The following CEP128 variants were observed in gnomAD, a reference collection of about 807,000 sequenced individuals.
CEP128 encodes the protein centrosomal protein 128kDa.
CEP128 carries 132 observed loss-of-function variants against 156.7 expected under a neutral mutation model. That is an observed-to-expected ratio of 0.84 (90% CI 0.73 to 0.97). The LOEUF (loss-of-function observed/expected upper bound fraction) is 0.97, where lower values mean the gene tolerates loss of function less well. Ranked by LOEUF, CEP128 falls within the 50% of genes least tolerant of loss-of-function variation. The probability of loss-of-function intolerance (pLI) is 0.00; values close to 1 mark genes in which losing one functional copy is unlikely to be tolerated. For synonymous variants in CEP128, 469 were observed against 448.9 expected, an observed-to-expected ratio of 1.04 and a Z score of -0.57; for missense variants, 1,252 against 1,281.9, an observed-to-expected ratio of 0.98 and a Z score of 0.36.
intron 20 of CEP128, among the ~76,000 whole-genome samples, chr14:80,560,376 G>A (rs1390993487): frequency 6.6e-6 from 1 of 152,162 alleles, no homozygotes; most frequent in Admixed American, 6.5e-5. Flanking sequence ...AGTGAACTGA[G>A]ATCAAGCCAC....
At chr14:80,915,336 A>T (rs1207146433) in intron 3 of CEP128, among the ~76,000 whole-genome samples, 1 of 152,170 alleles carries the variant, frequency 6.6e-6, no homozygotes, top group Non-Finnish European at 1.5e-5. Flanking sequence ...ATGTTACTTT[A>T]AATGAGTTTA....
In CEP128 at chr14:80,792,999, C is replaced by G. The variant is rs1901797636; in HGVS notation, c.1321G>C (p.Asp441His). 6.2e-7 allele frequency: 1 copy of G among 1,614,102 alleles called. No homozygotes were observed. Among genetic ancestry groups the G allele is most frequent in the Admixed American group, 1.7e-5 (1 of 59,986 alleles). Residue 441 changes from aspartate to histidine, a missense_variant, in exon 14 of 25, where the codon GAC becomes CAC. Coordinates refer to ENST00000555265, the MANE Select transcript of CEP128 (RefSeq NM_152446.5). ...DTCEAERKHADLQISELTRHA... is the reference protein window; with the variant it reads ...DTCEAERKHAHLQISELTRHA... ...CGAGTCAGCTCTGAGATCTGAAGGTCAGCATGCTTACGCTCGGCCTCACAT... is the reference window on the plus strand; with the variant it reads ...CGAGTCAGCTCTGAGATCTGAAGGTGAGCATGCTTACGCTCGGCCTCACAT...
chr14:80,886,741 C>G (rs553709851), intron 8 of CEP128, among the ~76,000 whole-genome samples: 12 of 152,310 alleles, frequency 7.9e-5, no homozygotes, highest in African/African-American at 2.9e-4. Flanking sequence ...AAATAACCAG[C>G]TAGCATCATA....
chr14:80,923,702 T>C (rs1311614566), intron 2 of CEP128, among the ~76,000 whole-genome samples: 3 of 152,086 alleles, frequency 2.0e-5, no homozygotes, highest in East Asian at 1.9e-4. Flanking sequence ...TAAGGGAAAA[T>C]TGGGAGTGTA....
At position 80,838,222 on chromosome 14, in the gene CEP128, T is replaced by C; in HGVS notation, c.906A>G (p.Arg302=). The C allele has an allele frequency of 1.2e-6, 2 of 1,613,064 alleles. No homozygotes were observed. The highest frequency in any genetic ancestry group is 1.7e-6 in the Non-Finnish European group (2 of 1,179,160). The change falls in exon 11 of 25, where the codon CGA becomes CGG. Residue 302 remains arginine (R), a synonymous_variant. Transcript: ENST00000555265. Reference sequence around the variant, plus strand: ...GACTTACCTGATGCAAAAGTGTTTCTCGGCTGCCTTCTGATTGATTCAATA... The same window carrying C: ...GACTTACCTGATGCAAAAGTGTTTCCCGGCTGCCTTCTGATTGATTCAATA... The part of the protein sequence containing the change: ...RRLLNQSEGS[R]ETLLHQVEEL...
chr14:80,569,515 C>T (rs1198324205), intron 20 of CEP128, among the ~76,000 whole-genome samples: 1 of 152,154 alleles, frequency 6.6e-6, no homozygotes, highest in Non-Finnish European at 1.5e-5. Flanking sequence ...TAATGGAATG[C>T]TGATACAGTG....
intron 23 of CEP128, among the ~76,000 whole-genome samples, chr14:80,507,231 T>C (rs1236223815): frequency 6.6e-6 from 1 of 152,078 alleles, no homozygotes; most frequent in Non-Finnish European, 1.5e-5. Flanking sequence ...ATCAGACTAA[T>C]ACAGGAGGTT....
intron 19 of CEP128, among the ~76,000 whole-genome samples, chr14:80,680,332 G>A (rs1249454572): frequency 1.3e-5 from 2 of 152,106 alleles, no homozygotes; most frequent in Non-Finnish European, 1.5e-5. Flanking sequence ...GAAGCAGAAA[G>A]CCAGGTATTT....
At chr14:80,880,114 CA>C (rs1193459443) in intron 8 of CEP128, among the ~76,000 whole-genome samples, 2 of 151,952 alleles carry the variant, frequency 1.3e-5, no homozygotes, top group South Asian at 2.1e-4. Context: ...AACAACACAT[CA>C]AAAAAATTAT....
intron 15 of CEP128, among the ~76,000 whole-genome samples, chr14:80,780,069 T>A (rs1396486560): frequency 6.6e-6 from 1 of 152,186 alleles, no homozygotes; most frequent in Non-Finnish European, 1.5e-5. Flanking sequence ...AGATACAGCA[T>A]GTCATTAAAA....
intron 9 of CEP128, among the ~76,000 whole-genome samples, chr14:80,851,041 C>G (rs191750695): frequency 6.6e-6 from 1 of 152,210 alleles, no homozygotes; most frequent in East Asian, 1.9e-4. Flanking sequence ...GGAATGAGAG[C>G]AGTAGAGTAA....
intron 19 of CEP128, among the ~76,000 whole-genome samples, chr14:80,661,278 A>C (rs72690933): frequency 6.6e-6 from 1 of 152,110 alleles, no homozygotes; most frequent in African/African-American, 2.4e-5. Context: ...GCATTATTTG[A>C]ATGTTTAAAA....
At chr14:80,750,301 C>T (rs372838063) in intron 18 of CEP128, among the ~76,000 whole-genome samples, 28 of 152,212 alleles carry the variant, frequency 1.8e-4, no homozygotes, top group Middle Eastern at 3.4e-3. Context: ...TGGACTGGAC[C>T]GTGTCAAATC....
chr14:80,612,555 T>G (rs1000189718), intron 19 of CEP128, among the ~76,000 whole-genome samples: 5 of 152,196 alleles, frequency 3.3e-5, no homozygotes, highest in African/African-American at 9.7e-5. Flanking sequence ...TAACAAAGGA[T>G]AATCACATTA....
At chr14:80,595,159 C>T (rs1470948470) in intron 19 of CEP128, among the ~76,000 whole-genome samples, 2 of 152,168 alleles carry the variant, frequency 1.3e-5, no homozygotes, top group Non-Finnish European at 2.9e-5. Flanking sequence ...AGGATGAGTT[C>T]ATGTCTTTGC....
intron 21 of CEP128, among the ~76,000 whole-genome samples, chr14:80,533,597 T>C (rs948216279): frequency 1.3e-5 from 2 of 152,202 alleles, no homozygotes; most frequent in Admixed American, 6.5e-5. Flanking sequence ...TATGTTTTTG[T>C]GAGTGAATTT....
intron 23 of CEP128, among the ~76,000 whole-genome samples, chr14:80,523,438 C>T (rs1268199185): frequency 1.3e-5 from 2 of 152,208 alleles, no homozygotes; most frequent in Middle Eastern, 3.4e-3. Context: ...CATTTTTGTA[C>T]CACAGTAATT....
chr14:80,579,051 A>T (rs571012442), intron 20 of CEP128, among the ~76,000 whole-genome samples: 1 of 152,196 alleles, frequency 6.6e-6, no homozygotes, highest in Non-Finnish European at 1.5e-5. Context: ...TAATGAGATT[A>T]CTAGTTCCAA....
intron 2 of CEP128, among the ~76,000 whole-genome samples, chr14:80,954,121 T>C (rs978238687): frequency 1.3e-5 from 2 of 151,764 alleles, no homozygotes; most frequent in African/African-American, 4.8e-5. Flanking sequence ...TACGAAAAAA[T>C]TAGCCGGGCG....
Sources: allele counts gnomAD v4.1 joint callset (sites outside exome capture counted in the v4.1 genomes callset), GRCh38; gene constraint gnomAD v4.1.1; transcripts MANE v1.5; gene names NCBI Gene and HGNC (gene_info 2026-07-23, HGNC 2026-07-21).